The following SDCCAG8 variants were observed in gnomAD, a reference collection of about 807,000 sequenced individuals.
The protein encoded by SDCCAG8 is serologically defined colon cancer antigen 8.
In SDCCAG8, 74 loss-of-function variants were observed where a neutral mutation model predicts 101.8. The ratio of observed to expected loss-of-function variants is 0.73; its 90% CI spans 0.60 to 0.88. The LOEUF (loss-of-function observed/expected upper bound fraction) is 0.88. Ranked by LOEUF, SDCCAG8 falls within the 40% of genes least tolerant of loss-of-function variation. The pLI is 0.00. For missense variants in SDCCAG8, 787 were observed against 822.6 expected, an observed-to-expected ratio of 0.96 and a Z score of 0.53; for synonymous variants, 281 against 292.9, an observed-to-expected ratio of 0.96 and a Z score of 0.41.
At chr1:243,437,946 C>G (rs776749905) in intron 16 of SDCCAG8, among the ~76,000 whole-genome samples, 41 of 152,214 alleles carry the variant, frequency 2.7e-4, no homozygotes, top group Non-Finnish European at 2.2e-4. Flanking sequence ...CAGGTTTCCA[C>G]CCATTTCCCA....
At chr1:243,420,308 G>A (rs1012399880) in intron 15 of SDCCAG8, among the ~76,000 whole-genome samples, 1 of 152,164 alleles carries the variant, frequency 6.6e-6, no homozygotes, top group Non-Finnish European at 1.5e-5. Context: ...ATATAGATAC[G>A]CATACATACA....
At chr1:243,470,742 T>G (rs1661088254) in intron 16 of SDCCAG8, among the ~76,000 whole-genome samples, 1 of 152,108 alleles carries the variant, frequency 6.6e-6, no homozygotes, top group African/African-American at 2.4e-5. Context: ...AGAAATAGAT[T>G]CAGGCAAGGG....
At chr1:243,418,494 A>G (rs989307361) in intron 15 of SDCCAG8, among the ~76,000 whole-genome samples, 10 of 152,222 alleles carry the variant, frequency 6.6e-5, no homozygotes, top group Non-Finnish European at 1.2e-4. Context: ...TGTATATATA[A>G]AAATGAAAGT....
intron 12 of SDCCAG8, among the ~76,000 whole-genome samples, chr1:243,359,592 A>G (rs540282822): frequency 6.6e-6 from 1 of 152,336 alleles, no homozygotes; most frequent in South Asian, 2.1e-4. Context: ...AAGCGGGTGC[A>G]ACAGATGAGG....
intron 1 of SDCCAG8, among the ~76,000 whole-genome samples, chr1:243,266,403 G>GC (rs1222322991): frequency 4.2e-5 from 6 of 141,966 alleles, no homozygotes; most frequent in Non-Finnish European, 9.2e-5. Context: ...TGCAACCTCC[G>GC]CCCCCCGGCT....
chr1:243,350,798 C>A (rs1217922453), intron 12 of SDCCAG8, among the ~76,000 whole-genome samples: 1 of 152,152 alleles, frequency 6.6e-6, no homozygotes, highest in Non-Finnish European at 1.5e-5. Context: ...GGAACCTTTT[C>A]CCTGGAAGTT....
chr1:243,359,706 C>T lies in SDCCAG8; in HGVS notation c.1473+15375C>T, dbSNP rs578088516. Among the ~76,000 whole-genome samples the T allele has an allele frequency of 6.6e-5, 10 of 152,214 alleles. No individual in the cohort carries two copies. In the South Asian group the frequency reaches 1.0e-3, roughly 16 times the overall value. ...TACCCTTCATTGTGTGTCCGGTACTCGGCACAGAGGAGACCTACGGCAGAT... is the reference window on the plus strand; with the variant it reads ...TACCCTTCATTGTGTGTCCGGTACTTGGCACAGAGGAGACCTACGGCAGAT... On this transcript the variant is annotated intron_variant, in intron 12 of 17. Coordinates refer to ENST00000366541, the MANE Select transcript of SDCCAG8 (RefSeq NM_006642.5).
chr1:243,268,388 A>C (rs886349349), intron 1 of SDCCAG8, among the ~76,000 whole-genome samples: 1 of 152,242 alleles, frequency 6.6e-6, no homozygotes, highest in Non-Finnish European at 1.5e-5. Flanking sequence ...TCACAGTTTC[A>C]TATATTCCCA....
At chr1:243,425,093 G>T (rs917403438) in intron 15 of SDCCAG8, among the ~76,000 whole-genome samples, 2 of 152,074 alleles carry the variant, frequency 1.3e-5, no homozygotes, top group Non-Finnish European at 1.5e-5. Context: ...TTTCAAATAT[G>T]GGTAGATTCT....
rs953828800 is a variant in SDCCAG8 at position 243,458,976 on chromosome 1, T to A, written c.1986-30038T>A. 6.6e-6 allele frequency among the ~76,000 whole-genome samples: 1 copy of A among 152,220 alleles called. No individual in the cohort carries two copies. Among genetic ancestry groups the A allele is most frequent in the Admixed American group, 6.5e-5 (1 of 15,280 alleles). ...TAGATGGAGAAAAATGTGGTGGAGATAGTAAAATATTACCAGTTTCAAATG... is the reference window on the plus strand; with the variant it reads ...TAGATGGAGAAAAATGTGGTGGAGAAAGTAAAATATTACCAGTTTCAAATG... On this transcript the variant is annotated intron_variant, in intron 16 of 17. Transcript: ENST00000366541. This position sits in a 1 kb window ranked among gnomAD's most constrained non-coding sequence, Gnocchi z 4.5.
chr1:243,362,703 T>C (rs750032632), intron 12 of SDCCAG8, among the ~76,000 whole-genome samples: 88 of 152,348 alleles, frequency 5.8e-4, no homozygotes, highest in South Asian at 1.2e-3. Context: ...TTTATCACAT[T>C]GCTTTCCAGA....
At chr1:243,493,985 G>A (rs1667202595) in intron 17 of SDCCAG8, among the ~76,000 whole-genome samples, 1 of 152,098 alleles carries the variant, frequency 6.6e-6, no homozygotes, top group South Asian at 2.1e-4. Context: ...GGCTGCCCAT[G>A]TTAGGCCTTG....
chr1:243,399,902 A>G (rs946611848), intron 13 of SDCCAG8, among the ~76,000 whole-genome samples: 1 of 152,196 alleles, frequency 6.6e-6, no homozygotes, highest in Non-Finnish European at 1.5e-5. Context: ...CTTAATCCCC[A>G]CATAACCCTA....
chr1:243,313,197 C>G (rs767087980), intron 8 of SDCCAG8, among the ~76,000 whole-genome samples: 1 of 152,158 alleles, frequency 6.6e-6, no homozygotes, highest in Non-Finnish European at 1.5e-5. Flanking sequence ...AAATGAGGAA[C>G]AAAGAAATGT....
rs546574095 is a variant in SDCCAG8, at chr1:243,459,018, A to C, written c.1986-29996A>C. ...TTTCAAATGTGTTTATGTTACCTTA[A>C]ATTTGAGGCAGACTATGGAGAGTGA... On this transcript the variant is annotated intron_variant, in intron 16 of 17. Coordinates refer to ENST00000366541, the MANE Select transcript of SDCCAG8 (RefSeq NM_006642.5). Among the ~76,000 whole-genome samples the C allele has an allele frequency of 9.2e-5, 14 of 152,346 alleles. No individual in the cohort carries two copies. The South Asian group carries it at 2.9e-3, about 32-fold the overall frequency.
rs563943382 is a variant in SDCCAG8 at position 243,431,669 on chromosome 1, T to C, written c.1985+5111T>C. Among the ~76,000 whole-genome samples, 18 of 152,292 alleles carry C rather than the reference T, an allele frequency of 1.2e-4. No homozygotes were observed. The South Asian group carries it at 3.7e-3, about 32-fold the overall frequency. On this transcript the variant is annotated intron_variant, in intron 16 of 17. Coordinates refer to ENST00000366541, the MANE Select transcript of SDCCAG8 (RefSeq NM_006642.5). ...GCAGTGCCATTTTTTTTTTCTGTTT[T>C]TATTTTAAAGTAAGTATCAATTCAC... is the stretch of plus-strand genomic sequence containing the variant.
chr1:243,301,411 A>G (rs2071491963), intron 6 of SDCCAG8, among the ~76,000 whole-genome samples: 1 of 152,152 alleles, frequency 6.6e-6, no homozygotes, highest in Non-Finnish European at 1.5e-5. Context: ...CTTGAATAAC[A>G]CCATGAGGCC....
chr1:243,402,284 G>A (rs2079450480), intron 13 of SDCCAG8, among the ~76,000 whole-genome samples: 1 of 151,768 alleles, frequency 6.6e-6, no homozygotes, highest in African/African-American at 2.4e-5. Context: ...AAAAAAATTA[G>A]CCAGGCATGA....
chr1:243,477,033 C>CACACACACAGAG (rs942231630), intron 16 of SDCCAG8, among the ~76,000 whole-genome samples: 6 of 150,320 alleles, frequency 4.0e-5, no homozygotes, highest in Non-Finnish European at 8.9e-5. Flanking sequence ...CACACACACA[C>CACACACACAGAG]AGAGAGAAAG....
Sources: gnomAD v4.1 joint callset for allele counts (sites outside exome capture counted in the v4.1 genomes callset) on GRCh38, gnomAD v4.1.1 for gene constraint, Gnocchi (gnomAD v3.1) non-coding constraint, MANE v1.5 for transcripts, NCBI Gene and HGNC (gene_info 2026-07-23, HGNC 2026-07-21) for gene names.